Variants in BCL2 observed in about 807,000 individuals in gnomAD.
BCL2 encodes the protein apoptosis regulator Bcl-2.
Under a neutral mutation model 14.2 loss-of-function variants are expected in BCL2, and 1 was observed. That is an observed-to-expected ratio of 0.07 (90% CI 0.02 to 0.33). The LOEUF is 0.33. BCL2 is among the 10% of genes least tolerant of loss of function. BCL2 has a pLI of 0.99. For synonymous variants in BCL2, 151 were observed against 137.2 expected, an observed-to-expected ratio of 1.10 and a Z score of -0.70; for missense variants, 247 against 305.9, an observed-to-expected ratio of 0.81 and a Z score of 1.44.
intron 2 of BCL2, among the ~76,000 whole-genome samples, chr18:63,260,206 G>A (rs1172558639): frequency 2.0e-5 from 3 of 151,986 alleles, no homozygotes; most frequent in African/African-American, 7.2e-5. Context: ...TCACTACAAT[G>A]CATAAGCATG....
chr18:63,210,861 A>T (rs1164450897), intron 2 of BCL2, among the ~76,000 whole-genome samples: 1 of 151,544 alleles, frequency 6.6e-6, no homozygotes, highest in East Asian at 1.9e-4. Flanking sequence ...AGTCCTGGCG[A>T]CCCACACTTT....
intron 2 of BCL2, among the ~76,000 whole-genome samples, chr18:63,213,384 C>T (rs1046950788): frequency 6.6e-6 from 1 of 152,132 alleles, no homozygotes; most frequent in East Asian, 1.9e-4. Flanking sequence ...CCTCACACCA[C>T]ACCCCTCACT....
At chr18:63,190,508 T>C (rs988176364) in intron 2 of BCL2, among the ~76,000 whole-genome samples, 1 of 152,196 alleles carries the variant, frequency 6.6e-6, no homozygotes, top group Non-Finnish European at 1.5e-5. Context: ...TATTGTGAGA[T>C]ATAAGTCAAC....
At chr18:63,140,000 A>G (rs1914313546) in intron 2 of BCL2, among the ~76,000 whole-genome samples, 1 of 152,280 alleles carries the variant, frequency 6.6e-6, no homozygotes, top group Non-Finnish European at 1.5e-5. Context: ...GGATTCTGGT[A>G]GACATTTTAC....
Position 63,174,957 on chromosome 18 carries a change from G to A in BCL2, c.586-46198C>T, listed in dbSNP as rs141767871. 1.4e-3 allele frequency among the ~76,000 whole-genome samples: 213 copies of A among 151,988 alleles called. 8 individuals carry two copies. In the South Asian group the frequency reaches 0.039, roughly 28 times the overall value. On this transcript the variant is annotated intron_variant, in intron 2 of 2. Coordinates refer to ENST00000333681, the MANE Select transcript of BCL2 (RefSeq NM_000633.3). ...ATACTCCTAAAAACACATGTCTGCC[G>A]TTTTCACCTAAGATGCCACACTGAC...
intron 2 of BCL2, among the ~76,000 whole-genome samples, chr18:63,299,149 C>T (rs1328748904): frequency 1.3e-5 from 2 of 152,230 alleles, no homozygotes; most frequent in Non-Finnish European, 2.9e-5. Context: ...AAAGTACAGG[C>T]CATGTGAACC....
At chr18:63,218,656 TCCCCA>T (rs1910279155) in intron 2 of BCL2, among the ~76,000 whole-genome samples, 2 of 59,110 alleles carry the variant, frequency 3.4e-5, no homozygotes, top group South Asian at 5.8e-4. Context: ...CCTCCACTCA[TCCCCA>T]TCCTCCAGTC....
rs1042275186 is a variant in BCL2 at position 63,125,052 on chromosome 18, T to C, written c.*3573A>G. The C allele has an allele frequency of 4.5e-6, 1 of 221,862 alleles. No homozygotes were observed. The highest frequency in any genetic ancestry group is 2.2e-5 in the African/African-American group (1 of 44,702). 13.7% of individuals were successfully genotyped at this position (221,862 alleles called of 1,614,324 possible). A position where few individuals can be genotyped will look rare whatever the true frequency, so the allele number is the denominator to read the frequency against. ...CTCAATAGATCCTGGAGGTGAAAGC[T>C]AGACATGTGTTGGGATTGCCCTGAT... is the stretch of plus-strand genomic sequence containing the variant. On this transcript the variant is annotated 3_prime_UTR_variant, in exon 3 of 3. Transcript: ENST00000333681.
In BCL2 at chr18:63,198,992, CACAG is replaced by C. The variant is rs1304737814; in HGVS notation, c.586-70237_586-70234del. Reference sequence around the variant, plus strand: ...ACTGACACACAGACACAGAGACACCCACAGACATACACAGACACACACAGACACA... The same window carrying C: ...ACTGACACACAGACACAGAGACACCCACATACACAGACACACACAGACACA... On this transcript the variant is annotated intron_variant, in intron 2 of 2. Transcript: ENST00000333681. Among the ~76,000 whole-genome samples, 5 of 140,016 alleles carry C rather than the reference CACAG, an allele frequency of 3.6e-5. No homozygotes were observed. In the East Asian group the frequency reaches 1.1e-3, roughly 30 times the overall value. The allele number at this position is 140,016 out of a possible 152,430, so 91.9% of individuals were successfully genotyped here.
At chr18:63,301,617 C>T (rs1395268620) in intron 2 of BCL2, among the ~76,000 whole-genome samples, 2 of 152,172 alleles carry the variant, frequency 1.3e-5, no homozygotes, top group Non-Finnish European at 2.9e-5. Flanking sequence ...CAATGATCTC[C>T]GAAGGCGCTA....
At chr18:63,215,586 C>T (rs957640465) in intron 2 of BCL2, among the ~76,000 whole-genome samples, 3 of 152,128 alleles carry the variant, frequency 2.0e-5, no homozygotes, top group Non-Finnish European at 4.4e-5. Context: ...TGGAAGGACA[C>T]AGACAAGGCT....
At chr18:63,139,082 T>A (rs1312289300) in intron 2 of BCL2, among the ~76,000 whole-genome samples, 1 of 152,196 alleles carries the variant, frequency 6.6e-6, no homozygotes, top group African/African-American at 2.4e-5. Context: ...AGAGGATTCC[T>A]TAGTCTAATT....
chr18:63,184,681 G>A (rs1001318871), intron 2 of BCL2, among the ~76,000 whole-genome samples: 1 of 152,224 alleles, frequency 6.6e-6, no homozygotes, highest in Admixed American at 6.5e-5. Context: ...TGGAAGCAGA[G>A]GCTTCCTGAA....
At chr18:63,268,506 G>C (rs1911904298) in intron 2 of BCL2, among the ~76,000 whole-genome samples, 1 of 152,162 alleles carries the variant, frequency 6.6e-6, no homozygotes, top group African/African-American at 2.4e-5. Context: ...CCTTGCCCCA[G>C]CTTCAGTTTT....
At chr18:63,195,739 G>A (rs1273239215) in intron 2 of BCL2, among the ~76,000 whole-genome samples, 1 of 152,068 alleles carries the variant, frequency 6.6e-6, no homozygotes, top group East Asian at 1.9e-4. Flanking sequence ...TTGTATTGTA[G>A]GCTTTTAATG....
chr18:63,201,277 G>A (rs1909682556), intron 2 of BCL2, among the ~76,000 whole-genome samples: 1 of 152,168 alleles, frequency 6.6e-6, no homozygotes, highest in Non-Finnish European at 1.5e-5. Flanking sequence ...AAGACTTTCT[G>A]TAAGATGGCC....
intron 2 of BCL2, among the ~76,000 whole-genome samples, chr18:63,278,603 C>T (rs1312714113): frequency 1.3e-5 from 2 of 152,134 alleles, no homozygotes; most frequent in Non-Finnish European, 2.9e-5. Flanking sequence ...CTGACCCCAC[C>T]CTGCTGCTTG....
At chr18:63,189,592 A>G (rs73471320) in intron 2 of BCL2, among the ~76,000 whole-genome samples, 3 of 152,108 alleles carry the variant, frequency 2.0e-5, no homozygotes, top group Admixed American at 2.0e-4. Context: ...CGTTAGGCTC[A>G]GCACTAGGGG....
At chr18:63,169,471 TCTCC>T (rs556476803) in intron 2 of BCL2, among the ~76,000 whole-genome samples, 3,823 of 140,026 alleles carry the variant, frequency 0.027, 105 homozygotes, top group Non-Finnish European at 0.045. Context: ...TCCCTCCCTG[TCTCC>T]CTCCCTCCCT....
Sources: allele counts gnomAD v4.1 joint callset (sites outside exome capture counted in the v4.1 genomes callset), GRCh38; gene constraint gnomAD v4.1.1; transcripts MANE v1.5; gene names NCBI Gene and HGNC (gene_info 2026-07-23, HGNC 2026-07-21).